UBXN7: variants seen among roughly 807,000 people sequenced by gnomAD.
The protein encoded by UBXN7 is UBX domain protein 7, also known as UBX domain-containing protein 7.
In UBXN7, 9 loss-of-function variants were observed where a neutral mutation model predicts 58.0. The ratio of observed to expected loss-of-function variants is 0.16; its 90% CI spans 0.09 to 0.27. The LOEUF (loss-of-function observed/expected upper bound fraction) is 0.27. Among genes scored for constraint, UBXN7 ranks in the 10% least tolerant of loss-of-function variants. The pLI, the probability that UBXN7 is intolerant of heterozygous loss-of-function variation, is 1.00. For synonymous variants in UBXN7, 208 were observed against 205.0 expected (o/e 1.01, Z -0.12); for missense variants, 328 against 599.6 (o/e 0.55, Z 4.73).
intron 2 of UBXN7, among the ~76,000 whole-genome samples, chr3:196,404,778 C>T (rs1730108167): frequency 6.6e-6 from 1 of 152,188 alleles, no homozygotes; most frequent in Non-Finnish European, 1.5e-5. Context: ...CCCTTTCCTA[C>T]TGCTCACACA....
At chr3:196,393,936 G>A (rs1253464033) in intron 3 of UBXN7, 1 of 180,326 alleles carries the variant, frequency 5.5e-6, no homozygotes, top group Non-Finnish European at 1.2e-5. Flanking sequence ...CAGTCATCTT[G>A]TATTACAAAT....
chr3:196,362,300 C>T lies in UBXN7; in HGVS notation c.1222G>A (p.Val408Ile), dbSNP rs762479305. Residue 408 changes from valine (V) to isoleucine (I), a missense_variant, in exon 9 of 11, where the codon GTA becomes ATA. By Grantham distance (29) the Val-to-Ile change is conservative (BLOSUM62 3). Transcript: ENST00000296328. ...KADGVVEGID[V>I]NGPKAQLMLR... ...ATGTCTAAATGTAACTTACCATTTA[C>T]ATCTATCCCCTCCACTACTCCATCT... 6 of 1,600,226 alleles carry T rather than the reference C, an allele frequency of 3.7e-6. No homozygotes were observed. The highest frequency in any genetic ancestry group is 5.1e-6 in the Non-Finnish European group (6 of 1,175,118).
intron 1 of UBXN7, among the ~76,000 whole-genome samples, chr3:196,415,572 A>G (rs976727423): frequency 4.7e-5 from 7 of 149,510 alleles, no homozygotes; most frequent in South Asian, 2.2e-4. Context: ...TCAGGAGCTC[A>G]AGACCATCCT....
In UBXN7 at chr3:196,401,320, C is replaced by T. The variant is rs775739101; in HGVS notation, c.289+1632G>A. 1.6e-3 allele frequency among the ~76,000 whole-genome samples: 118 copies of T among 72,462 alleles called. 1 individual carries two copies. The highest frequency in any genetic ancestry group is 2.5e-3 in the Non-Finnish European group (103 of 40,622). The allele number at this position is 72,462 out of a possible 152,430, so 47.5% of individuals were successfully genotyped here. A position where few individuals can be genotyped will look rare whatever the true frequency, so the allele number is the denominator to read the frequency against. ...ATATACACACACACACACACACACACATATATATATATACACATATATACA... is the reference window on the plus strand; with the variant it reads ...ATATACACACACACACACACACACATATATATATATATACACATATATACA... On this transcript the variant is annotated intron_variant, in intron 3 of 10. Coordinates refer to ENST00000296328, the MANE Select transcript of UBXN7 (RefSeq NM_015562.2).
chr3:196,363,376 G>T (rs928750982), intron 8 of UBXN7, among the ~76,000 whole-genome samples: 3 of 151,462 alleles, frequency 2.0e-5, no homozygotes, highest in Non-Finnish European at 2.9e-5. Flanking sequence ...CAAAATGAAG[G>T]CCAGGCCGGG....
chr3:196,398,327 A>G (rs955537012), intron 3 of UBXN7, among the ~76,000 whole-genome samples: 2 of 152,228 alleles, frequency 1.3e-5, no homozygotes, highest in African/African-American at 4.8e-5. Flanking sequence ...TTTTTCAGGC[A>G]GTTTAATTTT....
At chr3:196,431,714 G>T in intron 1 of UBXN7, 1 of 439,278 alleles carries the variant, frequency 2.3e-6, no homozygotes, top group South Asian at 1.6e-5. Flanking sequence ...CAGTCCCTGA[G>T]GTCCTCCTCA....
At chr3:196,406,842 C>T (rs1003637657) in intron 2 of UBXN7, among the ~76,000 whole-genome samples, 1 of 152,224 alleles carries the variant, frequency 6.6e-6, no homozygotes, top group African/African-American at 2.4e-5. Flanking sequence ...TCTACTGCTA[C>T]TTAATTGCTG....
intron 3 of UBXN7, chr3:196,399,828 A>G (rs1403309775): frequency 6.6e-6 from 1 of 152,224 alleles, no homozygotes; most frequent in East Asian, 1.9e-4. Flanking sequence ...CACCACATGA[A>G]TTCAACCAAG....
Position 196,354,808 on chromosome 3 carries a change from A to C in UBXN7, c.*1877T>G, listed in dbSNP as rs1034918564. ...ACTCAGTCACCAATCTAAAGACAGA[A>C]CTTTGACTCAAGGTAGAAATGAAAC... On this transcript the variant is annotated 3_prime_UTR_variant, in exon 11 of 11. Transcript: ENST00000296328. 3 of 152,104 alleles carry C rather than the reference A, an allele frequency of 2.0e-5. No individual in the cohort carries two copies. Among genetic ancestry groups the C allele is most frequent in the Non-Finnish European group, 4.4e-5 (3 of 68,018 alleles). 9.4% of individuals were successfully genotyped at this position (152,104 alleles called of 1,614,324 possible). A position where few individuals can be genotyped will look rare whatever the true frequency, so the allele number is the denominator to read the frequency against.
chr3:196,372,627 T>G (rs940067343), intron 5 of UBXN7, among the ~76,000 whole-genome samples: 4 of 150,992 alleles, frequency 2.6e-5, no homozygotes, highest in African/African-American at 9.7e-5. Context: ...CAGGTGTGAC[T>G]CATCATGACC....
chr3:196,369,588 T>A, intron 6 of UBXN7, 77 bp from the exon 7 acceptor site: 1 of 947,372 alleles, frequency 1.1e-6, no homozygotes, highest in Non-Finnish European at 1.6e-6. Flanking sequence ...TACACCAACA[T>A]CAATTAGCTC....
At chr3:196,367,490 C>T (rs1378388934) in intron 8 of UBXN7, among the ~76,000 whole-genome samples, 3 of 152,116 alleles carry the variant, frequency 2.0e-5, no homozygotes, top group Admixed American at 1.3e-4. Context: ...CACTTCCAGC[C>T]GGCTGTGGTG....
At chr3:196,425,854 C>A (rs1427524161) in intron 1 of UBXN7, among the ~76,000 whole-genome samples, 1 of 152,138 alleles carries the variant, frequency 6.6e-6, no homozygotes, top group African/African-American at 2.4e-5. Flanking sequence ...GGAAGGTTTT[C>A]TTGACCTCCC....
chr3:196,357,708 A>C (rs1728388711), intron 10 of UBXN7, among the ~76,000 whole-genome samples: 1 of 152,012 alleles, frequency 6.6e-6, no homozygotes. Flanking sequence ...AAATACAAAA[A>C]AATTAGCTGG....
chr3:196,383,626 G>T (rs574171623), intron 5 of UBXN7, among the ~76,000 whole-genome samples: 1 of 152,270 alleles, frequency 6.6e-6, no homozygotes, highest in East Asian at 1.9e-4. Flanking sequence ...AATCAAATTA[G>T]AACTCAGGAT....
At chr3:196,375,490 A>T (rs1728990732) in intron 5 of UBXN7, among the ~76,000 whole-genome samples, 2 of 152,126 alleles carry the variant, frequency 1.3e-5, no homozygotes, top group African/African-American at 4.8e-5. Context: ...CAATTTAAAA[A>T]GAGAGAGTCT....
chr3:196,415,385 C>T lies in UBXN7; in HGVS notation c.74-7992G>A, dbSNP rs370929030. The stretch of plus-strand genomic sequence containing the variant: ...GCTAGGATGGTCTCGATCTCCTGAC[C>T]TTGTGATCCGCCTGCCTCAGCCTCC... On this transcript the variant is annotated intron_variant, in intron 1 of 10. Transcript: ENST00000296328. 1.3e-3 allele frequency among the ~76,000 whole-genome samples: 191 copies of T among 150,140 alleles called. 2 individuals carry two copies. The highest frequency in any genetic ancestry group is 4.5e-3 in the African/African-American group (185 of 41,170).
rs145980527 is a variant in UBXN7 at position 196,392,131 on chromosome 3, C to A, written c.356-206G>T. The stretch of plus-strand genomic sequence containing the variant: ...CTTAAGACTTGGTGGTATTCCCTAT[C>A]CCAAGGATACAAAGAAAATTAACTG... On this transcript the variant is annotated intron_variant, in intron 4 of 10. Coordinates refer to ENST00000296328, the MANE Select transcript of UBXN7 (RefSeq NM_015562.2). 7.2e-5 allele frequency among the ~76,000 whole-genome samples: 11 copies of A among 152,156 alleles called. 1 individual carries two copies. Among genetic ancestry groups the A allele is most frequent in the African/African-American group, 2.6e-4 (11 of 41,518 alleles).
Sources: gnomAD v4.1 joint callset for allele counts (sites outside exome capture counted in the v4.1 genomes callset) on GRCh38, gnomAD v4.1.1 for gene constraint, MANE v1.5 for transcripts, NCBI Gene and HGNC (gene_info 2026-07-23, HGNC 2026-07-21) for gene names.